The following GRXCR2 variants were observed in gnomAD, a reference collection of about 807,000 sequenced individuals.
The protein encoded by GRXCR2 is glutaredoxin and cysteine rich domain containing 2, also known as glutaredoxin domain-containing cysteine-rich protein 2.
In GRXCR2, 23 loss-of-function variants were observed where a neutral mutation model predicts 24.8. That is an observed-to-expected ratio of 0.93 (90% CI 0.67 to 1.32). GRXCR2 has a LOEUF of 1.32. GRXCR2 is among the 40% of genes most tolerant of loss of function. GRXCR2 has a pLI of 0.00. For missense variants in GRXCR2, 315 were observed against 303.4 expected (o/e 1.04, Z -0.28); for synonymous variants, 130 against 116.1 (o/e 1.12, Z -0.77).
chr5:145,865,429 G>A (rs975045309), intron 2 of GRXCR2, among the ~76,000 whole-genome samples: 6 of 152,300 alleles, frequency 3.9e-5, no homozygotes, highest in Non-Finnish European at 8.8e-5. Context: ...CTTCTAAGGG[G>A]TATGAGAGGA....
chr5:145,875,021 G>A (rs112843216), upstream of GRXCR2, among the ~76,000 whole-genome samples: 12 of 152,220 alleles, frequency 7.9e-5, no homozygotes, highest in South Asian at 2.3e-3. Flanking sequence ...TGGGACTTTC[G>A]GACCTACCGC....
chr5:145,920,640 G>A (rs1757308685), intron 2 of GRXCR2, among the ~76,000 whole-genome samples: 1 of 152,166 alleles, frequency 6.6e-6, no homozygotes, highest in East Asian at 1.9e-4. Context: ...AGAGGGTGGG[G>A]GTGACAAACA....
At chr5:145,870,542 TG>T (rs1397175472) in intron 1 of GRXCR2, among the ~76,000 whole-genome samples, 2 of 152,226 alleles carry the variant, frequency 1.3e-5, no homozygotes, top group East Asian at 3.8e-4. Context: ...CTATGAACAA[TG>T]TTGTACATAT....
intron 2 of GRXCR2, among the ~76,000 whole-genome samples, chr5:145,889,168 C>CAAAA (rs534124544): frequency 0.024 from 1,321 of 55,040 alleles, 88 homozygotes; most frequent in African/African-American, 0.066. Context: ...GACTCTGTCT[C>CAAAA]AAAAAAAGAA....
At chr5:145,861,181 T>G (rs931272854) in intron 2 of GRXCR2, among the ~76,000 whole-genome samples, 10 of 152,088 alleles carry the variant, frequency 6.6e-5, no homozygotes, top group Non-Finnish European at 1.3e-4. Context: ...ATGAACTGAG[T>G]GTGGACCCAT....
chr5:145,885,851 A>G (rs1756772564), intron 2 of GRXCR2, among the ~76,000 whole-genome samples: 1 of 152,182 alleles, frequency 6.6e-6, no homozygotes, highest in Non-Finnish European at 1.5e-5. Context: ...ATACCCCTTC[A>G]TAATGAAAAA....
At chr5:145,905,526 G>T (rs13182269) in intron 2 of GRXCR2, among the ~76,000 whole-genome samples, 1 of 152,032 alleles carries the variant, frequency 6.6e-6, no homozygotes, top group African/African-American at 2.4e-5. Context: ...AGCCCTCAAA[G>T]AATTTAGAGT....
intron 2 of GRXCR2, among the ~76,000 whole-genome samples, chr5:145,886,241 T>G (rs1283769352): frequency 6.6e-6 from 1 of 152,192 alleles, no homozygotes; most frequent in Non-Finnish European, 1.5e-5. Flanking sequence ...ATAGTTTGCT[T>G]TGAAAGGTAG....
chr5:145,918,569 GA>G (rs1201153486), intron 2 of GRXCR2, among the ~76,000 whole-genome samples: 2 of 152,192 alleles, frequency 1.3e-5, no homozygotes, highest in African/African-American at 4.8e-5. Context: ...AAGTGTCCAG[GA>G]AAAGCTGGTA....
At chr5:145,911,556 C>T (rs1581352206) in intron 2 of GRXCR2, among the ~76,000 whole-genome samples, 1 of 152,178 alleles carries the variant, frequency 6.6e-6, no homozygotes, top group African/African-American at 2.4e-5. Context: ...GAAGAACTGA[C>T]CCGAAGCCAA....
intron 1 of GRXCR2, among the ~76,000 whole-genome samples, chr5:145,870,931 C>A (rs1167128864): frequency 6.6e-6 from 1 of 152,056 alleles, no homozygotes; most frequent in Non-Finnish European, 1.5e-5. Context: ...ACTCATTTAC[C>A]TAGATTTATA....
intron 2 of GRXCR2, among the ~76,000 whole-genome samples, chr5:145,907,935 C>T (rs1052313493): frequency 6.6e-6 from 1 of 152,176 alleles, no homozygotes; most frequent in African/African-American, 2.4e-5. Flanking sequence ...TGCTAGACTT[C>T]TAAGTGGAGA....
chr5:145,913,731 C>T (rs931939751), intron 2 of GRXCR2, among the ~76,000 whole-genome samples: 1 of 151,998 alleles, frequency 6.6e-6, no homozygotes, highest in African/African-American at 2.4e-5. Flanking sequence ...TCATGTCGCC[C>T]AGGCTGGTTT....
At chr5:145,921,951 G>T (rs1203138982) in intron 2 of GRXCR2, among the ~76,000 whole-genome samples, 1 of 152,064 alleles carries the variant, frequency 6.6e-6, no homozygotes, top group Non-Finnish European at 1.5e-5. Context: ...GATTCAAGGA[G>T]ACATAAAATG....
chr5:145,883,863 G>T (rs1756740079), intron 2 of GRXCR2, among the ~76,000 whole-genome samples: 1 of 152,170 alleles, frequency 6.6e-6, no homozygotes, highest in South Asian at 2.1e-4. Context: ...ACTCCAGCCT[G>T]GGCGACAGAG....
At chr5:145,891,188 C>T (rs376331703) in intron 2 of GRXCR2, among the ~76,000 whole-genome samples, 1 of 152,162 alleles carries the variant, frequency 6.6e-6, no homozygotes, top group South Asian at 2.1e-4. Flanking sequence ...CAGCTCCAGT[C>T]TACAGCTCCC....
At chr5:145,871,910 GA>G (rs1365545172) in intron 1 of GRXCR2, among the ~76,000 whole-genome samples, 1 of 152,144 alleles carries the variant, frequency 6.6e-6, no homozygotes. Flanking sequence ...CATCTCCTAT[GA>G]ATTTTTGGAT....
intron 2 of GRXCR2, among the ~76,000 whole-genome samples, chr5:145,897,818 C>G (rs1376433654): frequency 6.6e-6 from 1 of 151,970 alleles, no homozygotes; most frequent in Non-Finnish European, 1.5e-5. Context: ...GCAGCAAAGG[C>G]AGTGTTAAGA....
intron 2 of GRXCR2, among the ~76,000 whole-genome samples, chr5:145,897,646 A>G (rs1756969378): frequency 6.6e-6 from 1 of 152,168 alleles, no homozygotes; most frequent in South Asian, 2.1e-4. Context: ...GAATAAAAAT[A>G]CAAATCAATA....
Sources: gnomAD v4.1 joint callset for allele counts (sites outside exome capture counted in the v4.1 genomes callset) on GRCh38, gnomAD v4.1.1 for gene constraint, MANE v1.5 for transcripts, NCBI Gene and HGNC (gene_info 2026-07-23, HGNC 2026-07-21) for gene names.